IL6ST: variants seen among roughly 807,000 people sequenced by gnomAD.
IL6ST encodes the protein interleukin-6 receptor subunit beta.
A neutral mutation model predicts 91.3 loss-of-function variants in IL6ST; 24 were observed. That is an observed-to-expected ratio of 0.26 (90% CI 0.19 to 0.37). The LOEUF is 0.37. Ranked by LOEUF, IL6ST falls within the 10% of genes least tolerant of loss-of-function variation. The pLI, the probability that IL6ST is intolerant of heterozygous loss-of-function variation, is 1.00. For missense variants in IL6ST, 914 were observed against 1,078.5 expected (o/e 0.85, Z 2.14); for synonymous variants, 351 against 373.6 (o/e 0.94, Z 0.70).
chr5:55,979,733 C>G (rs1221973521), intron 2 of IL6ST, among the ~76,000 whole-genome samples: 1 of 152,142 alleles, frequency 6.6e-6, no homozygotes, highest in African/African-American at 2.4e-5. Context: ...AGAGCCAGTT[C>G]GGCAATATCA....
At position 55,963,494 on chromosome 5, in the gene IL6ST, G is replaced by A. The variant is rs763726030; in HGVS notation, c.671C>T (p.Pro224Leu). Residue 224 changes from proline (P) to leucine (L), a missense_variant, in exon 7 of 17, where the codon CCG (proline) becomes CTG (leucine). Coordinates refer to ENST00000381298, the MANE Select transcript of IL6ST (RefSeq NM_002184.4). ...FDPVYKVKPNPPHNLSVINSE... is the reference protein window; with the variant it reads ...FDPVYKVKPNLPHNLSVINSE... ...GTTGATCACTGATAAATTATGTGGC[G>A]GATTGGGCTTCACTGAAAAATAAAA... The A allele has an allele frequency of 1.1e-5, 17 of 1,604,102 alleles. No individual in the cohort carries two copies. The highest frequency in any genetic ancestry group is 1.7e-4 in the Middle Eastern group (1 of 5,928).
rs761389519 is a variant in IL6ST at position 55,955,021 on chromosome 5, A to C, written c.1268-29T>G. 45 of 1,380,060 alleles carry C rather than the reference A, an allele frequency of 3.3e-5. 2 individuals are homozygous for C. The South Asian group carries it at 5.7e-4, about 17-fold the overall frequency. 85.5% of individuals were successfully genotyped at this position (1,380,060 alleles called of 1,614,324 possible). A position where few individuals can be genotyped will look rare whatever the true frequency, so the allele number is the denominator to read the frequency against. On this transcript the variant is annotated intron_variant, in intron 10 of 16. Coordinates refer to ENST00000381298, the MANE Select transcript of IL6ST (RefSeq NM_002184.4). The stretch of plus-strand genomic sequence containing the variant: ...TAAAACAAAGTTTGAATATTGAAAT[A>C]ATAAATATTAACAAATTTGAAATTT...
At chr5:55,983,165 A>C (rs1205647496) in intron 1 of IL6ST, among the ~76,000 whole-genome samples, 1 of 151,950 alleles carries the variant, frequency 6.6e-6, no homozygotes, top group Non-Finnish European at 1.5e-5. Context: ...TGCCTAGCTA[A>C]TTTTTTTATT....
chr5:55,979,734 G>A (rs950736518), intron 2 of IL6ST, among the ~76,000 whole-genome samples: 6 of 152,206 alleles, frequency 3.9e-5, no homozygotes, highest in South Asian at 2.1e-4. Context: ...GAGCCAGTTC[G>A]GCAATATCAA....
At chr5:55,970,655 CA>C (rs1217419488) in intron 3 of IL6ST, among the ~76,000 whole-genome samples, 19 of 151,934 alleles carry the variant, frequency 1.3e-4, no homozygotes, top group Admixed American at 2.6e-4. Flanking sequence ...CCACCCTGGA[CA>C]ACAGAGTGAA....
intron 3 of IL6ST, among the ~76,000 whole-genome samples, chr5:55,970,901 C>CA (rs1302606031): frequency 2.0e-5 from 3 of 151,782 alleles, no homozygotes; most frequent in Non-Finnish European, 4.4e-5. Flanking sequence ...GACAGAGTCT[C>CA]AAAAAACAAA....
intron 1 of IL6ST, among the ~76,000 whole-genome samples, chr5:55,988,131 CAAAA>C (rs397955074): frequency 6.2e-5 from 4 of 64,472 alleles, no homozygotes; most frequent in Admixed American, 1.8e-4. Context: ...GCTCTGCCTC[CAAAA>C]AAAAAAAAAA....
At chr5:55,963,698 T>G (rs1752471751) in intron 6 of IL6ST, among the ~76,000 whole-genome samples, 192 bp from the exon 7 acceptor site, 1 of 152,184 alleles carries the variant, frequency 6.6e-6, no homozygotes, top group East Asian at 1.9e-4. Flanking sequence ...GAATCTTCAG[T>G]TCTCCTTGTT....
Position 55,941,741 on chromosome 5 carries a change from C to G in IL6ST, c.2098G>C (p.Asp700His), listed in dbSNP as rs1226964017. The G allele has an allele frequency of 6.2e-7, 1 of 1,613,920 alleles. No individual in the cohort carries two copies. Residue 700 changes from aspartate to histidine, a missense_variant, in exon 17 of 17, where the codon GAC becomes CAC. By Grantham distance (81) the Asp-to-His change is moderately conservative (BLOSUM62 -1). Transcript: ENST00000381298. ...AGATCTTCTGGAAAAGGCTTTTTGT[C>G]ATTTGCTTCTATTTCCACAACACTT... ...DVSVVEIEAN[D>H]KKPFPEDLKS...
rs749538720 is a variant in IL6ST, at chr5:55,954,832, G to A, written c.1428C>T (p.Thr476=). The part of the protein sequence containing the change: ...CITDWQQEDG[T]VHRTYLRGNL... Reference sequence around the variant, plus strand: ...TACCTCTTAAATAGGTGCGATGCACGGTACCATCTTCTTGTTGCCAGTCTG... The same window carrying A: ...TACCTCTTAAATAGGTGCGATGCACAGTACCATCTTCTTGTTGCCAGTCTG... The change falls in exon 11 of 17, where the codon ACC becomes ACT. Residue 476 remains threonine, a synonymous_variant. Transcript: ENST00000381298. 6.0e-5 allele frequency: 96 copies of A among 1,610,716 alleles called. 1 individual carries two copies. The highest frequency in any genetic ancestry group is 7.7e-5 in the Non-Finnish European group (91 of 1,178,700).
chr5:55,937,580 A>C lies in IL6ST; in HGVS notation c.*3502T>G. The C allele has an allele frequency of 9.9e-6, 2 of 202,716 alleles. No individual in the cohort carries two copies. Among genetic ancestry groups the C allele is most frequent in the Non-Finnish European group, 2.0e-5 (2 of 98,600 alleles). The allele number at this position is 202,716 out of a possible 1,614,324, so 12.6% of individuals were successfully genotyped here. On this transcript the variant is annotated 3_prime_UTR_variant, in exon 17 of 17. Transcript: ENST00000381298. ...CTAGTTCATACCTTCTTTGAAATCA[A>C]TGACAATGTCCAATTTTAGGCTAAT...
rs368007724 is a variant in IL6ST, at chr5:55,964,364, T to G, written c.492-52A>C. On this transcript the variant is annotated intron_variant, in intron 5 of 16. Transcript: ENST00000381298. ...TCATTAAAAACACATCTGAAAAAATTAGAGTGAAAAAAATTACTTGCAAAG... is the reference window on the plus strand; with the variant it reads ...TCATTAAAAACACATCTGAAAAAATGAGAGTGAAAAAAATTACTTGCAAAG... 4.6e-5 allele frequency: 63 copies of G among 1,365,140 alleles called. No homozygotes were observed. The African/African-American group carries it at 8.7e-4, about 19-fold the overall frequency. 84.6% of individuals were successfully genotyped at this position (1,365,140 alleles called of 1,614,324 possible). A position where few individuals can be genotyped will look rare whatever the true frequency, so the allele number is the denominator to read the frequency against.
At chr5:55,976,955 C>T (rs1237465411) in intron 2 of IL6ST, among the ~76,000 whole-genome samples, 1 of 152,160 alleles carries the variant, frequency 6.6e-6, no homozygotes, top group Non-Finnish European at 1.5e-5. Context: ...TATTTCCACT[C>T]CAAAGAGCGT....
In IL6ST at chr5:55,944,532, GTAAAT is replaced by G. The variant is rs368133229; in HGVS notation, c.1938-1786_1938-1782del. The G allele has an allele frequency of 9.9e-4, 433 of 436,146 alleles. 4 individuals carry two copies. The highest frequency in any genetic ancestry group is 8.4e-3 in the African/African-American group (411 of 48,886). 27.0% of individuals were successfully genotyped at this position (436,146 alleles called of 1,614,324 possible). A position where few individuals can be genotyped will look rare whatever the true frequency, so the allele number is the denominator to read the frequency against. ...CTGAAAACTACAAAACACTGCAAAA[GTAAAT>G]TAAACAAAACCCAAATAAATAAAGA... On this transcript the variant is annotated intron_variant, in intron 15 of 16. Coordinates refer to ENST00000381298, the MANE Select transcript of IL6ST (RefSeq NM_002184.4).
At chr5:55,954,112 A>T (rs1751815157) in intron 11 of IL6ST, among the ~76,000 whole-genome samples, 1 of 152,216 alleles carries the variant, frequency 6.6e-6, no homozygotes, top group South Asian at 2.1e-4. Context: ...CTGTACACTA[A>T]TAACATGTAA....
intron 3 of IL6ST, 125 bp from the exon 4 acceptor site, chr5:55,969,980 A>G (rs1752869760): frequency 6.8e-6 from 4 of 584,260 alleles, no homozygotes; most frequent in South Asian, 5.3e-5. Flanking sequence ...AGACACAGAA[A>G]AAGACAATAC....
At chr5:55,954,765 A>C (rs1418656005) in intron 11 of IL6ST, 45 bp downstream of exon 11, 1 of 1,437,322 alleles carries the variant, frequency 7.0e-7, no homozygotes, top group Admixed American at 2.2e-5. Context: ...CTGCCTAAAG[A>C]GTTAGAAAAA....
chr5:55,986,060 T>G (rs1227057189), intron 1 of IL6ST, among the ~76,000 whole-genome samples: 1 of 152,228 alleles, frequency 6.6e-6, no homozygotes, highest in Non-Finnish European at 1.5e-5. Flanking sequence ...AATCTTGAAA[T>G]CAATATTCTG....
intron 2 of IL6ST, chr5:55,978,240 G>T (rs1388776030): frequency 6.6e-6 from 1 of 152,182 alleles, no homozygotes; most frequent in Non-Finnish European, 1.5e-5. Flanking sequence ...AGGGCATTGT[G>T]AAGTCAGATG....
Sources: gnomAD v4.1 joint callset for allele counts (sites outside exome capture counted in the v4.1 genomes callset) on GRCh38, gnomAD v4.1.1 for gene constraint, MANE v1.5 for transcripts, NCBI Gene and HGNC (gene_info 2026-07-23, HGNC 2026-07-21) for gene names.